Variants in LCORL observed in about 807,000 individuals in gnomAD.
LCORL encodes ligand dependent nuclear receptor corepressor like, also known as ligand-dependent nuclear receptor corepressor-like protein.
LCORL carries 41 observed loss-of-function variants against 141.8 expected under a neutral mutation model. The ratio of observed to expected loss-of-function variants is 0.29; its 90% CI spans 0.23 to 0.38. The LOEUF is 0.38. LCORL is among the 10% of genes least tolerant of loss of function. LCORL has a pLI of 1.00. For synonymous variants in LCORL, 618 were observed against 694.1 expected, an observed-to-expected ratio of 0.89 and a Z score of 1.72; for missense variants, 1,759 against 2,035.0, an observed-to-expected ratio of 0.86 and a Z score of 2.61.
intron 1 of LCORL, among the ~76,000 whole-genome samples, chr4:17,977,293 C>T (rs1042158967): frequency 1.3e-5 from 2 of 152,092 alleles, no homozygotes; most frequent in Non-Finnish European, 2.9e-5. Context: ...AGTAGGGTTA[C>T]ATTTAGTTGT....
chr4:17,927,568 C>G (rs1324332185), intron 4 of LCORL, among the ~76,000 whole-genome samples: 1 of 152,068 alleles, frequency 6.6e-6, no homozygotes, highest in Non-Finnish European at 1.5e-5. Context: ...AAATAAGAGG[C>G]ATATGACTCT....
At position 17,947,468 on chromosome 4, in the gene LCORL, T is replaced by G. The variant is rs74863728; in HGVS notation, c.430+14435A>C. Among the ~76,000 whole-genome samples, 886 of 150,616 alleles carry G rather than the reference T, an allele frequency of 5.9e-3. 5 individuals carry two copies. The highest frequency in any genetic ancestry group is 0.019 in the African/African-American group (766 of 41,186). On this transcript the variant is annotated intron_variant, in intron 4 of 7. Transcript: ENST00000635767. ...CTCAAAAGGAATATGGATTTGTTGG[T>G]TTTTTTTTAGATTTATTGCACAATG...
intron 5 of LCORL, among the ~76,000 whole-genome samples, chr4:17,892,003 A>G (rs1729150354): frequency 6.6e-6 from 1 of 152,194 alleles, no homozygotes; most frequent in African/African-American, 2.4e-5. Context: ...AAAGTGTAAA[A>G]GCATTCCCTG....
At chr4:17,984,213 A>G (rs894771318) in intron 1 of LCORL, among the ~76,000 whole-genome samples, 6 of 152,162 alleles carry the variant, frequency 3.9e-5, no homozygotes, top group Non-Finnish European at 7.4e-5. Flanking sequence ...CTTCAAGGAT[A>G]TTATCCTGGA....
intron 1 of LCORL, among the ~76,000 whole-genome samples, chr4:17,974,063 T>C (rs1716480801): frequency 6.6e-6 from 1 of 152,084 alleles, no homozygotes; most frequent in Non-Finnish European, 1.5e-5. Flanking sequence ...GAGCAAGCTA[T>C]CATACTGGGT....
intron 5 of LCORL, among the ~76,000 whole-genome samples, chr4:17,898,103 T>C (rs554397521): frequency 2.6e-5 from 4 of 152,308 alleles, no homozygotes; most frequent in Non-Finnish European, 5.9e-5. Flanking sequence ...TTAACATGAT[T>C]ACATATTTGG....
chr4:17,964,592 C>T (rs909846726), intron 2 of LCORL, among the ~76,000 whole-genome samples: 5 of 151,962 alleles, frequency 3.3e-5, no homozygotes, highest in Non-Finnish European at 5.9e-5. Flanking sequence ...AATTAAAAAC[C>T]CAGCTCCTAT....
At chr4:17,874,188 C>T in exon 7 of LCORL, 7 of 1,233,912 alleles carry the variant, frequency 5.7e-6, no homozygotes, top group Non-Finnish European at 7.1e-6. Flanking sequence ...ATGATGCAAC[C>T]TCTTAAACTC....
intron 4 of LCORL, among the ~76,000 whole-genome samples, chr4:17,955,105 C>A (rs185500813): frequency 6.6e-6 from 1 of 152,032 alleles, no homozygotes; most frequent in Non-Finnish European, 1.5e-5. Flanking sequence ...CTAACTCTTA[C>A]GGCTCTTCAA....
In LCORL at chr4:17,984,910, CTT is replaced by C. The variant is rs551906477; in HGVS notation, c.155-12027_155-12026del. Among the ~76,000 whole-genome samples the C allele has an allele frequency of 2.6e-3, 399 of 152,232 alleles. 3 individuals carry two copies. Among genetic ancestry groups the C allele is most frequent in the African/African-American group, 9.0e-3 (372 of 41,546 alleles). ...GGCATTTAGTGCTACAAATTTCTCT[CTT>C]AACACTGTCTTAGTTGTGCCCCAGA... On this transcript the variant is annotated intron_variant, in intron 1 of 7. Transcript: ENST00000635767.
chr4:17,936,875 T>C (rs1169994479), intron 4 of LCORL, among the ~76,000 whole-genome samples: 3 of 152,154 alleles, frequency 2.0e-5, no homozygotes, highest in Non-Finnish European at 2.9e-5. Flanking sequence ...ACACAGAATA[T>C]TGCAGGAAGT....
chr4:17,923,301 T>TA (rs1374621022), intron 4 of LCORL, among the ~76,000 whole-genome samples: 1 of 152,182 alleles, frequency 6.6e-6, no homozygotes, highest in East Asian at 1.9e-4. Context: ...CTTGGGGAGT[T>TA]AAAAAAGGTT....
chr4:18,008,646 C>T (rs974789917), intron 1 of LCORL, among the ~76,000 whole-genome samples: 3 of 152,096 alleles, frequency 2.0e-5, no homozygotes. Context: ...TGTACTATTT[C>T]ATATGGAAAA....
At chr4:18,012,576 C>T (rs1723973884) in intron 1 of LCORL, among the ~76,000 whole-genome samples, 1 of 151,972 alleles carries the variant, frequency 6.6e-6, no homozygotes, top group African/African-American at 2.4e-5. Context: ...TGACTGACAA[C>T]AGTAAATTAA....
intron 5 of LCORL, among the ~76,000 whole-genome samples, chr4:17,892,875 A>T (rs1223292914): frequency 6.6e-6 from 1 of 152,166 alleles, no homozygotes; most frequent in Non-Finnish European, 1.5e-5. Context: ...TTTATCCTCT[A>T]TATTACATTA....
intron 1 of LCORL, among the ~76,000 whole-genome samples, chr4:17,985,804 G>T (rs1243308805): frequency 6.6e-6 from 1 of 152,108 alleles, no homozygotes; most frequent in African/African-American, 2.4e-5. Flanking sequence ...CCCTGTTATT[G>T]TGTTGTCAGC....
intron 1 of LCORL, among the ~76,000 whole-genome samples, chr4:18,003,166 A>G (rs914532633): frequency 6.6e-6 from 1 of 152,206 alleles, no homozygotes; most frequent in Non-Finnish European, 1.5e-5. Flanking sequence ...TGCAGAAGTC[A>G]TTAAAGGTTG....
chr4:17,909,466 C>G, intron 4 of LCORL, 121 bp from the exon 5 acceptor site: 1 of 577,306 alleles, frequency 1.7e-6, no homozygotes, highest in Middle Eastern at 4.8e-4. Flanking sequence ...TCCATAACTC[C>G]CAATGTTTTC....
chr4:17,850,464 A>G (rs559560795), intron 7 of LCORL, among the ~76,000 whole-genome samples: 4 of 152,298 alleles, frequency 2.6e-5, no homozygotes, highest in Admixed American at 1.3e-4. Context: ...AAAAGTGGGC[A>G]AAGGACATGA....
Sources: allele counts gnomAD v4.1 joint callset (sites outside exome capture counted in the v4.1 genomes callset), GRCh38; gene constraint gnomAD v4.1.1; transcripts MANE v1.5; gene names NCBI Gene and HGNC (gene_info 2026-07-23, HGNC 2026-07-21).